The following RGS12 variants were observed in gnomAD, a reference collection of about 807,000 sequenced individuals.
The protein encoded by RGS12 is regulator of G protein signaling 12.
A neutral mutation model predicts 120.1 loss-of-function variants in RGS12; 66 were observed. That is an observed-to-expected ratio of 0.55 (90% CI 0.45 to 0.67). The LOEUF is 0.67. RGS12 is among the 30% of genes least tolerant of loss of function. The pLI is 0.00. For missense variants in RGS12, 1,859 were observed against 1,957.7 expected, an observed-to-expected ratio of 0.95 and a Z score of 0.95; for synonymous variants, 827 against 804.7, an observed-to-expected ratio of 1.03 and a Z score of -0.47.
chr4:3,397,465 G>A (rs757229280), intron 4 of RGS12, among the ~76,000 whole-genome samples: 25 of 152,214 alleles, frequency 1.6e-4, no homozygotes, highest in Admixed American at 8.5e-4. Context: ...AGGGGGTCGC[G>A]AGGAACCCAA....
chr4:3,402,549 C>T (rs1466891038), intron 4 of RGS12, among the ~76,000 whole-genome samples: 3 of 152,120 alleles, frequency 2.0e-5, no homozygotes, highest in Non-Finnish European at 2.9e-5. Flanking sequence ...GTGGCCCCAC[C>T]TTGGCTTGAG....
intron 3 of RGS12, among the ~76,000 whole-genome samples, chr4:3,347,726 G>A (rs369885711): frequency 2.0e-5 from 3 of 152,150 alleles, no homozygotes; most frequent in Admixed American, 6.5e-5. Context: ...GATTGCAAAT[G>A]CTTTTAGAGA....
intron 2 of RGS12, among the ~76,000 whole-genome samples, chr4:3,327,642 A>T (rs1428811846): frequency 6.6e-6 from 1 of 152,258 alleles, no homozygotes; most frequent in South Asian, 2.1e-4. Context: ...AAAAGAAGAT[A>T]TACAAACGTT....
chr4:3,332,421 A>G (rs989485872), intron 2 of RGS12, among the ~76,000 whole-genome samples: 19 of 152,326 alleles, frequency 1.2e-4, no homozygotes, highest in African/African-American at 4.6e-4. Flanking sequence ...AACACTGTAT[A>G]ATCCATTGTG....
chr4:3,288,965 A>C, upstream of RGS12, among the ~76,000 whole-genome samples: 2 of 150,900 alleles, frequency 1.3e-5, no homozygotes, highest in African/African-American at 2.4e-5. This position sits in a 1 kb window ranked among gnomAD's most constrained non-coding sequence, Gnocchi z 5.2. Context: ...CTGGCTGCCC[A>C]CTCTGCCTGC....
At chr4:3,331,197 T>G (rs1392358643) in intron 2 of RGS12, among the ~76,000 whole-genome samples, 1 of 152,202 alleles carries the variant, frequency 6.6e-6, no homozygotes, top group Non-Finnish European at 1.5e-5. Flanking sequence ...TAAAAAATTC[T>G]AACACCCCTC....
rs1258103864 is a variant in RGS12 at position 3,316,447 on chromosome 4, A to G, written c.277A>G (p.Met93Val). The G allele has an allele frequency of 3.1e-6, 5 of 1,614,176 alleles. No individual in the cohort carries two copies. The highest frequency in any genetic ancestry group is 1.6e-4 in the Middle Eastern group (1 of 6,062). ...LIGKCSGVLHMVIAEGVGRFE... is the reference protein window; with the variant it reads ...LIGKCSGVLHVVIAEGVGRFE... ...TGGGAAGTGCTCTGGTGTCCTTCACATGGTGATTGCTGAAGGCGTCGGCCG... is the reference window on the plus strand; with the variant it reads ...TGGGAAGTGCTCTGGTGTCCTTCACGTGGTGATTGCTGAAGGCGTCGGCCG... The change falls in exon 2 of 18, where the codon ATG becomes GTG. Residue 93 changes from methionine to valine, a missense_variant. Physicochemically the swap from Met to Val is conservative, Grantham distance 21. Around this residue, in one of 3 missense-constraint regions of RGS12, gnomAD observed 967 missense variants for 994.2 expected, o/e 0.97. Coordinates refer to ENST00000336727, the MANE Select transcript of RGS12 (RefSeq NM_001394154.1).
intron 3 of RGS12, among the ~76,000 whole-genome samples, chr4:3,364,949 G>A (rs1716144448): frequency 6.6e-6 from 1 of 152,090 alleles, no homozygotes; most frequent in South Asian, 2.1e-4. Context: ...CCAGAGGGGT[G>A]CACCCTACAC....
intron 1 of RGS12, among the ~76,000 whole-genome samples, chr4:3,301,793 C>G (rs1319925676): frequency 6.6e-6 from 1 of 151,588 alleles, no homozygotes; most frequent in Non-Finnish European, 1.5e-5. Context: ...GTGACATGTC[C>G]AGGTGGGGTG....
intron 1 of RGS12, among the ~76,000 whole-genome samples, chr4:3,305,412 C>T (rs985848384): frequency 9.2e-5 from 14 of 152,262 alleles, no homozygotes; most frequent in Non-Finnish European, 7.4e-5. Context: ...ATACACTCCC[C>T]GCAAGGTCCT....
At chr4:3,439,391 G>T in intron 17 of RGS12, 64 bp from the exon 18 acceptor site, 1 of 1,530,210 alleles carries the variant, frequency 6.5e-7, no homozygotes, top group South Asian at 1.1e-5. Flanking sequence ...TCGGGGTAGG[G>T]GGTGGGTTCC....
At chr4:3,423,062 G>A (rs902674716) in intron 12 of RGS12, 84 bp downstream of exon 12, 28 of 1,185,734 alleles carry the variant, frequency 2.4e-5, no homozygotes, top group South Asian at 3.7e-5. Context: ...TGCGCTTAGC[G>A]GGCGGCCTGT....
At chr4:3,412,197 C>T (rs979224507) in intron 4 of RGS12, among the ~76,000 whole-genome samples, 2 of 152,242 alleles carry the variant, frequency 1.3e-5, no homozygotes, top group Admixed American at 6.5e-5. Context: ...TCCTGCCGAG[C>T]GTAGCCTCTG....
intron 2 of RGS12, chr4:3,342,357 G>A (rs1199174984): frequency 2.5e-6 from 3 of 1,183,188 alleles, no homozygotes; most frequent in Non-Finnish European, 3.2e-6. Flanking sequence ...GATGTTTGTC[G>A]AATTGAATTA....
chr4:3,293,766 G>T (rs1171260047), intron 1 of RGS12, among the ~76,000 whole-genome samples: 5 of 151,750 alleles, frequency 3.3e-5, no homozygotes, highest in African/African-American at 1.2e-4. Context: ...TGTAGACAGA[G>T]AGGGGGCCCA....
chr4:3,377,889 TC>T (rs1385717556), intron 3 of RGS12, among the ~76,000 whole-genome samples: 1 of 152,218 alleles, frequency 6.6e-6, no homozygotes, highest in Non-Finnish European at 1.5e-5. Flanking sequence ...GAGTGTAAAT[TC>T]CAATTCTGGA....
intron 3 of RGS12, among the ~76,000 whole-genome samples, chr4:3,347,368 T>C (rs1220781570): frequency 1.3e-5 from 2 of 152,034 alleles, no homozygotes; most frequent in Non-Finnish European, 2.9e-5. Flanking sequence ...GGCGTGATCC[T>C]GGGAGGCGGA....
At chr4:3,404,204 C>T (rs560528334) in intron 4 of RGS12, among the ~76,000 whole-genome samples, 1 of 152,352 alleles carries the variant, frequency 6.6e-6, no homozygotes, top group South Asian at 2.1e-4. Context: ...AGTTCTCTTC[C>T]ATGAGAAAAC....
At chr4:3,307,520 G>A (rs995700605) in intron 1 of RGS12, among the ~76,000 whole-genome samples, 1 of 152,236 alleles carries the variant, frequency 6.6e-6, no homozygotes, top group Admixed American at 6.5e-5. Flanking sequence ...TTTAGAAAAT[G>A]TAGAAAACAT....
Sources: allele counts gnomAD v4.1 joint callset (sites outside exome capture counted in the v4.1 genomes callset), GRCh38; gene constraint gnomAD v4.1.1; regional missense constraint gnomAD v4.1.1; non-coding constraint Gnocchi (gnomAD v3.1); transcripts MANE v1.5; gene names NCBI Gene and HGNC (gene_info 2026-07-23, HGNC 2026-07-21).